The following IGBP1 variants were observed in gnomAD, a reference collection of about 807,000 sequenced individuals.
IGBP1 encodes the protein immunoglobulin binding protein 1, also known as immunoglobulin-binding protein 1.
Under a neutral mutation model 25.9 loss-of-function variants are expected in IGBP1, and 2 were observed. The observed-to-expected ratio is 0.08, with a 90% CI of 0.03 to 0.24. IGBP1 has a LOEUF of 0.24. Among genes scored for constraint, IGBP1 ranks in the 10% least tolerant of loss-of-function variants. The pLI is 1.00. For missense variants in IGBP1, 187 were observed against 260.4 expected (o/e 0.72, Z 1.94); for synonymous variants, 96 against 93.4 (o/e 1.03, Z -0.16).
rs375122781 is a variant in IGBP1, at chrX:70,165,978, C to T, written c.1017C>T (p.Gly339=). Residue 339 remains glycine, a synonymous_variant, in exon 7 of 7, where the codon GGC becomes GGT. Transcript: ENST00000356413. ...GCTATGGGAACCGACAGAACATGGG[C>T]TGATCTTCCCACAACACCACAGGAC... The part of the protein sequence containing the change: ...PRGYGNRQNM[G] The T allele has an allele frequency of 4.9e-5, 59 of 1,208,980 alleles. No homozygotes were observed. The highest frequency in any genetic ancestry group is 6.4e-5 in the Non-Finnish European group (57 of 894,641).
At chrX:70,145,223 T>C (rs1385149817) in intron 3 of IGBP1, among the ~76,000 whole-genome samples, 1 of 110,197 alleles carries the variant, frequency 9.1e-6, no homozygotes, top group Non-Finnish European at 1.9e-5. Context: ...CAAGCAGAGA[T>C]ATTTCAAGAT....
chrX:70,142,203 C>T (rs2085134537), intron 3 of IGBP1, among the ~76,000 whole-genome samples: 1 of 111,249 alleles, frequency 9.0e-6, no homozygotes, highest in African/African-American at 3.3e-5. Flanking sequence ...TGGTGGTGCA[C>T]ACCTGTAGTC....
chrX:70,157,435 G>T (rs1421380548), intron 6 of IGBP1, among the ~76,000 whole-genome samples: 2 of 111,516 alleles, frequency 1.8e-5, no homozygotes, highest in African/African-American at 6.5e-5. Flanking sequence ...CCTAAGAGGA[G>T]TGAGACCATA....
chrX:70,156,255 C>T (rs1602674690), intron 6 of IGBP1, among the ~76,000 whole-genome samples: 2 of 103,372 alleles, frequency 1.9e-5, no homozygotes, highest in Admixed American at 1.1e-4. Flanking sequence ...TAGACTTGCT[C>T]GCTGCAGGGT....
At position 70,133,499 on chromosome X, in the gene IGBP1, CT is replaced by C. The variant is rs1466655455; in HGVS notation, c.-266del. ...TCAAACCGTGGGAGTGGTGCGGCGGCTAGAGTCCCTGGACTCCTCAACCTAG... is the reference window on the plus strand; with the variant it reads ...TCAAACCGTGGGAGTGGTGCGGCGGCAGAGTCCCTGGACTCCTCAACCTAG... On this transcript the variant is annotated 5_prime_UTR_variant, in exon 1 of 7. Transcript: ENST00000356413. 1.1e-5 allele frequency: 3 copies of C among 276,215 alleles called. No individual in the cohort carries two copies. The highest frequency in any genetic ancestry group is 1.9e-5 in the Non-Finnish European group (3 of 157,388). The allele number at this position is 276,215 out of a possible 1,213,427, so 22.8% of individuals were successfully genotyped here. A position where few individuals can be genotyped will look rare whatever the true frequency, so the allele number is the denominator to read the frequency against.
In IGBP1 at chrX:70,165,992, A is replaced by C. The variant is rs1304078699; in HGVS notation, c.*11A>C. 5.0e-6 allele frequency: 6 copies of C among 1,207,612 alleles called. No individual in the cohort carries two copies. The highest frequency in any genetic ancestry group is 5.9e-5 in the East Asian group (2 of 33,719). ...CAGAACATGGGCTGATCTTCCCACA[A>C]CACCACAGGACTGCAGGGTGCACAA... On this transcript the variant is annotated 3_prime_UTR_variant, in exon 7 of 7. Coordinates refer to ENST00000356413, the MANE Select transcript of IGBP1 (RefSeq NM_001551.3).
chrX:70,136,674 C>T (rs2085096336), intron 3 of IGBP1, among the ~76,000 whole-genome samples: 1 of 107,710 alleles, frequency 9.3e-6, no homozygotes, highest in Non-Finnish European at 1.9e-5. Context: ...CTGAGATCCA[C>T]TGAAGAGTTC....
intron 6 of IGBP1, among the ~76,000 whole-genome samples, chrX:70,156,797 G>A (rs1010016675): frequency 2.7e-5 from 3 of 110,865 alleles, no homozygotes; most frequent in Admixed American, 9.6e-5. Context: ...AAAATTAGCC[G>A]GGCGTGGTGG....
chrX:70,140,668 T>A (rs2085124042), intron 3 of IGBP1, among the ~76,000 whole-genome samples: 1 of 112,122 alleles, frequency 8.9e-6, no homozygotes, highest in Non-Finnish European at 1.9e-5. Flanking sequence ...TGGTATGTCC[T>A]CTGTCTCAAA....
At chrX:70,134,286 C>G in intron 2 of IGBP1, 151 bp downstream of exon 2, 1 of 583,022 alleles carries the variant, frequency 1.7e-6, no homozygotes, top group East Asian at 3.5e-5. Context: ...GTTTACATTC[C>G]CCACCTCTCT....
chrX:70,143,372 C>G (rs1270845596), intron 3 of IGBP1, among the ~76,000 whole-genome samples: 1 of 112,418 alleles, frequency 8.9e-6, no homozygotes, highest in Non-Finnish European at 1.9e-5. Context: ...AAATTGAATT[C>G]TACATTGGCT....
intron 4 of IGBP1, 108 bp from the exon 5 acceptor site, chrX:70,148,649 AAGTG>A: frequency 1.8e-6 from 1 of 545,429 alleles, no homozygotes; most frequent in Non-Finnish European, 3.2e-6. Context: ...GATAAATAGA[AAGTG>A]AGTGAATTTT....
chrX:70,165,757 T>A, intron 6 of IGBP1, 76 bp from the exon 7 acceptor site: 2 of 939,062 alleles, frequency 2.1e-6, no homozygotes, highest in Admixed American at 2.6e-5. Context: ...GTGCTCAGAG[T>A]GGAACTGAGG....
intron 6 of IGBP1, among the ~76,000 whole-genome samples, chrX:70,156,347 C>T (rs1280127093): frequency 2.0e-5 from 2 of 100,670 alleles, no homozygotes; most frequent in African/African-American, 7.3e-5. Context: ...CACAATAAAA[C>T]GAGGTATGCC....
chrX:70,136,698 T>TTTA (rs58340348), intron 3 of IGBP1, among the ~76,000 whole-genome samples: 4,975 of 97,952 alleles, frequency 0.051, 124 homozygotes, highest in African/African-American at 0.082. Context: ...TTCTTTTTTC[T>TTTA]TTATTATTAT....
At chrX:70,149,470 A>G (rs1191485341) in intron 5 of IGBP1, 2 of 114,149 alleles carry the variant, frequency 1.8e-5, no homozygotes, top group Non-Finnish European at 3.6e-5. Flanking sequence ...CCTGACCAAC[A>G]TGGCAAAACC....
intron 6 of IGBP1, among the ~76,000 whole-genome samples, chrX:70,158,215 G>A (rs958067882): frequency 5.3e-5 from 6 of 112,152 alleles, no homozygotes; most frequent in East Asian, 2.8e-4. Context: ...AAGCGATAGA[G>A]TAGTCTAGTC....
chrX:70,162,992 A>G (rs2085278925), intron 6 of IGBP1, among the ~76,000 whole-genome samples: 1 of 110,345 alleles, frequency 9.1e-6, no homozygotes, highest in Non-Finnish European at 1.9e-5. Context: ...TAATAATAAT[A>G]GTTGCAACTG....
At chrX:70,157,417 G>A (rs182107835) in intron 6 of IGBP1, among the ~76,000 whole-genome samples, 374 of 110,850 alleles carry the variant, frequency 3.4e-3, no homozygotes, top group African/African-American at 0.012. Context: ...TTCACTACTC[G>A]GTATATACCT....
Sources: gnomAD v4.1 joint callset for allele counts (sites outside exome capture counted in the v4.1 genomes callset) on GRCh38, gnomAD v4.1.1 for gene constraint, MANE v1.5 for transcripts, NCBI Gene and HGNC (gene_info 2026-07-23, HGNC 2026-07-21) for gene names.